The following NKAIN2 variants were observed in gnomAD, a reference collection of about 807,000 sequenced individuals.
NKAIN2 encodes sodium/potassium transporting ATPase interacting 2.
A neutral mutation model predicts 32.6 loss-of-function variants in NKAIN2; 14 were observed. The observed-to-expected ratio is 0.43, with a 90% CI of 0.28 to 0.67. The LOEUF is 0.67. NKAIN2 is among the 30% of genes least tolerant of loss of function. The pLI is 0.17. For missense variants in NKAIN2, 198 were observed against 258.3 expected, an observed-to-expected ratio of 0.77 and a Z score of 1.60; for synonymous variants, 80 against 87.2, an observed-to-expected ratio of 0.92 and a Z score of 0.46.
rs189378663 is a variant in NKAIN2 at position 123,831,278 on chromosome 6, A to G, written c.54+27024A>G. ...CCTAACTAGCTATCTAATTTTATATATATAATGTATATATATATGCATATT... is the reference window on the plus strand; with the variant it reads ...CCTAACTAGCTATCTAATTTTATATGTATAATGTATATATATATGCATATT... On this transcript the variant is annotated intron_variant, in intron 1 of 6. Coordinates refer to ENST00000368417, the MANE Select transcript of NKAIN2 (RefSeq NM_001040214.3). 9.6e-3 allele frequency among the ~76,000 whole-genome samples: 1,457 copies of G among 151,882 alleles called. 15 individuals carry two copies. The highest frequency in any genetic ancestry group is 0.021 in the Middle Eastern group (6 of 292).
At chr6:123,850,060 A>T (rs1462376288) in intron 1 of NKAIN2, among the ~76,000 whole-genome samples, 2 of 147,968 alleles carry the variant, frequency 1.4e-5, no homozygotes, top group Admixed American at 1.4e-4. Context: ...CTCCTGCCTC[A>T]GTCTTCCAAA....
intron 1 of NKAIN2, among the ~76,000 whole-genome samples, chr6:123,841,319 C>T (rs545017968): frequency 6.6e-6 from 1 of 152,162 alleles, no homozygotes; most frequent in South Asian, 2.1e-4. Context: ...GGATGAGGTC[C>T]AAAGTAAACT....
At chr6:124,205,783 A>G (rs1790846016) in intron 1 of NKAIN2, among the ~76,000 whole-genome samples, 1 of 151,884 alleles carries the variant, frequency 6.6e-6, no homozygotes, top group East Asian at 1.9e-4. Context: ...ATTTGTGACA[A>G]TCGCTTCAGA....
chr6:124,033,960 G>C (rs1395454223), intron 1 of NKAIN2, among the ~76,000 whole-genome samples: 1 of 151,946 alleles, frequency 6.6e-6, no homozygotes, highest in Non-Finnish European at 1.5e-5. Context: ...GAGAGTACAT[G>C]TTCACAATTA....
At chr6:124,150,773 G>T (rs189529180) in intron 1 of NKAIN2, among the ~76,000 whole-genome samples, 1 of 152,020 alleles carries the variant, frequency 6.6e-6, no homozygotes, top group African/African-American at 2.4e-5. Flanking sequence ...ACTACACTCC[G>T]GGAGGCCTTC....
chr6:123,824,363 A>G (rs1774052497), intron 1 of NKAIN2, among the ~76,000 whole-genome samples: 2 of 152,268 alleles, frequency 1.3e-5, no homozygotes, highest in South Asian at 4.1e-4. Context: ...GCCATTTGAG[A>G]GGACAAGGTG....
intron 1 of NKAIN2, among the ~76,000 whole-genome samples, chr6:123,955,106 CT>C (rs1031742083): frequency 6.8e-6 from 1 of 147,940 alleles, no homozygotes; most frequent in African/African-American, 2.5e-5. Flanking sequence ...CTTCCAGAAA[CT>C]TTAAGCAAAT....
At chr6:124,766,327 A>G (rs558665503) in intron 4 of NKAIN2, among the ~76,000 whole-genome samples, 13 of 152,192 alleles carry the variant, frequency 8.5e-5, no homozygotes, top group Non-Finnish European at 1.8e-4. Flanking sequence ...TGAGCGGAAG[A>G]GGACCTACGG....
At chr6:124,481,395 T>C (rs1177536763) in intron 3 of NKAIN2, among the ~76,000 whole-genome samples, 3 of 152,026 alleles carry the variant, frequency 2.0e-5, no homozygotes, top group Non-Finnish European at 4.4e-5. Flanking sequence ...TTTTATTCCA[T>C]AAACACAGAT....
rs543676382 is a variant in NKAIN2 at position 124,391,817 on chromosome 6, C to T, written c.273+36470C>T. Among the ~76,000 whole-genome samples, 384 of 152,186 alleles carry T rather than the reference C, an allele frequency of 2.5e-3. 1 individual carries two copies. The highest frequency in any genetic ancestry group is 4.8e-3 in the Non-Finnish European group (328 of 68,006). On this transcript the variant is annotated intron_variant, in intron 3 of 6. Transcript: ENST00000368417. ...ACTTCTTGTGATCTTATGAACTCTT[C>T]GACTTCCCTGTCCCATACCCTACTA... is the stretch of plus-strand genomic sequence containing the variant.
At chr6:124,375,697 T>G (rs925352763) in intron 3 of NKAIN2, among the ~76,000 whole-genome samples, 2 of 151,896 alleles carry the variant, frequency 1.3e-5, no homozygotes, top group African/African-American at 4.8e-5. Context: ...CTGAAGAAAC[T>G]ATCAGCTCAC....
At chr6:124,226,309 C>G (rs1273926677) in intron 1 of NKAIN2, among the ~76,000 whole-genome samples, 1 of 151,964 alleles carries the variant, frequency 6.6e-6, no homozygotes, top group African/African-American at 2.4e-5. Flanking sequence ...GATATCCTTT[C>G]TCATCAGCAT....
chr6:124,171,892 G>A (rs528031388), intron 1 of NKAIN2, among the ~76,000 whole-genome samples: 2 of 143,720 alleles, frequency 1.4e-5, no homozygotes, highest in African/African-American at 5.2e-5. Context: ...TGTCGCCCAG[G>A]ATGGAGTACA....
At chr6:124,017,779 C>A (rs773213836) in intron 1 of NKAIN2, among the ~76,000 whole-genome samples, 4 of 152,124 alleles carry the variant, frequency 2.6e-5, no homozygotes, top group Non-Finnish European at 5.9e-5. Context: ...CAGCACCCCC[C>A]ACCCCGACCC....
intron 1 of NKAIN2, among the ~76,000 whole-genome samples, chr6:123,994,700 C>T (rs1779545919): frequency 6.6e-6 from 1 of 151,684 alleles, no homozygotes; most frequent in African/African-American, 2.4e-5. Flanking sequence ...ATTTAAACAG[C>T]AAGGTTTTTT....
chr6:124,362,089 TAAAC>T (rs1405403903), intron 3 of NKAIN2, among the ~76,000 whole-genome samples: 1 of 152,038 alleles, frequency 6.6e-6, no homozygotes, highest in African/African-American at 2.4e-5. Context: ...CAATTACTAT[TAAAC>T]AAAGACTACC....
At chr6:123,885,721 C>T (rs991264572) in intron 1 of NKAIN2, among the ~76,000 whole-genome samples, 2 of 151,862 alleles carry the variant, frequency 1.3e-5, no homozygotes, top group African/African-American at 4.8e-5. Context: ...TAAAATTGTC[C>T]TCACATTGAT....
chr6:124,340,584 A>T (rs534102307), intron 2 of NKAIN2, among the ~76,000 whole-genome samples: 1 of 152,196 alleles, frequency 6.6e-6, no homozygotes, highest in African/African-American at 2.4e-5. Flanking sequence ...CTTTGTATTC[A>T]TAAGTTTTCA....
chr6:124,701,562 T>A (rs1403932470), intron 4 of NKAIN2, among the ~76,000 whole-genome samples: 1 of 152,132 alleles, frequency 6.6e-6, no homozygotes, highest in Admixed American at 6.6e-5. Flanking sequence ...AAGTAAGTGA[T>A]AAAGTGAGTT....
Sources: gnomAD v4.1 joint callset for allele counts (sites outside exome capture counted in the v4.1 genomes callset) on GRCh38, gnomAD v4.1.1 for gene constraint, MANE v1.5 for transcripts, NCBI Gene and HGNC (gene_info 2026-07-23, HGNC 2026-07-21) for gene names.